DDX25: variants seen among roughly 807,000 people sequenced by gnomAD.
The protein encoded by DDX25 is ATP-dependent RNA helicase DDX25.
Under a neutral mutation model 64.6 loss-of-function variants are expected in DDX25, and 70 were observed. The observed-to-expected ratio is 1.08, with a 90% CI of 0.89 to 1.32. The LOEUF is 1.32. Among genes scored for constraint, DDX25 ranks in the 40% most tolerant of loss-of-function variants. DDX25 has a pLI of 0.00. For missense variants in DDX25, 587 were observed against 604.4 expected, an observed-to-expected ratio of 0.97 and a Z score of 0.30; for synonymous variants, 211 against 213.3, an observed-to-expected ratio of 0.99 and a Z score of 0.09.
At chr11:125,914,390 A>T (rs113436705) in intron 8 of DDX25, among the ~76,000 whole-genome samples, 117 of 152,332 alleles carry the variant, frequency 7.7e-4, no homozygotes, top group African/African-American at 9.1e-4. Context: ...AAGGCAGGGG[A>T]ACAGGCTGAG....
rs1945150178 is a variant in DDX25 at position 125,924,412 on chromosome 11, CATG to C, written c.*1534_*1536del. ...ATGGCAGAGACCTAGAATAAGCCAG[CATG>C]ATAACAGACTGTGCTAAAGCAAGCG... On this transcript the variant is annotated 3_prime_UTR_variant, in exon 12 of 12. Transcript: ENST00000263576. 6.6e-6 allele frequency: 1 copy of C among 152,270 alleles called. No homozygotes were observed. The highest frequency in any genetic ancestry group is 1.5e-5 in the Non-Finnish European group (1 of 68,096). The allele number at this position is 152,270 out of a possible 1,614,324, so 9.4% of individuals were successfully genotyped here. A position where few individuals can be genotyped will look rare whatever the true frequency, so the allele number is the denominator to read the frequency against.
rs1945186545 is a variant in DDX25, at chr11:125,928,503, A to G, written c.*5622A>G. 1 of 152,232 alleles carries G rather than the reference A, an allele frequency of 6.6e-6. No individual in the cohort carries two copies. Among genetic ancestry groups the G allele is most frequent in the Non-Finnish European group, 1.5e-5 (1 of 68,026 alleles). 9.4% of individuals were successfully genotyped at this position (152,232 alleles called of 1,614,324 possible). A position where few individuals can be genotyped will look rare whatever the true frequency, so the allele number is the denominator to read the frequency against. ...AAGTGCGAGTACCAGGTCGAAAACTAGAAGCACTTTAACAGCATTTAACAG... is the reference window on the plus strand; with the variant it reads ...AAGTGCGAGTACCAGGTCGAAAACTGGAAGCACTTTAACAGCATTTAACAG... On this transcript the variant is annotated 3_prime_UTR_variant, in exon 12 of 12. Transcript: ENST00000263576.
chr11:125,916,779 A>C (rs1430498245), intron 8 of DDX25, among the ~76,000 whole-genome samples: 1 of 152,194 alleles, frequency 6.6e-6, no homozygotes, highest in Non-Finnish European at 1.5e-5. Context: ...GAACCTCCAG[A>C]ATATATACCT....
At chr11:125,910,559 C>A in intron 7 of DDX25, 81 bp downstream of exon 7, 1 of 1,187,640 alleles carries the variant, frequency 8.4e-7, no homozygotes, top group Non-Finnish European at 1.2e-6. Context: ...AACTTCTTGG[C>A]ATTCTCATCT....
intron 9 of DDX25, among the ~76,000 whole-genome samples, chr11:125,917,511 A>G (rs1945054269): frequency 6.6e-6 from 1 of 152,198 alleles, no homozygotes; most frequent in Non-Finnish European, 1.5e-5. Flanking sequence ...ACACTTCCCC[A>G]TTTCAGCTTA....
intron 10 of DDX25, 130 bp downstream of exon 10, chr11:125,918,920 C>T (rs1945076664): frequency 1.2e-5 from 13 of 1,113,704 alleles, no homozygotes; most frequent in Admixed American, 5.7e-5. Flanking sequence ...AAATACAGAG[C>T]ATCTCCATCT....
At position 125,910,361 on chromosome 11, in the gene DDX25, CAGT is replaced by C; in HGVS notation, c.508-2_508del. On this transcript the variant is annotated splice_acceptor_variant and coding_sequence_variant, in exon 7 of 12. Coordinates refer to ENST00000263576, the MANE Select transcript of DDX25 (RefSeq NM_013264.5). LOFTEE classifies it high-confidence loss of function. ...CCTCCCCTCTTCTCTCTCTATCCCACAGTGCCTCTGCCTAGCTCCTACTTATGA... is the reference window on the plus strand; with the variant it reads ...CCTCCCCTCTTCTCTCTCTATCCCACGCCTCTGCCTAGCTCCTACTTATGA... 1 of 1,613,418 alleles carries C rather than the reference CAGT, an allele frequency of 6.2e-7. No individual in the cohort carries two copies. Among genetic ancestry groups the C allele is most frequent in the Non-Finnish European group, 8.5e-7 (1 of 1,179,388 alleles).
At chr11:125,920,929 C>T (rs866704833) in intron 10 of DDX25, 119 of 347,074 alleles carry the variant, frequency 3.4e-4, no homozygotes, top group South Asian at 7.4e-4. Flanking sequence ...TACACACACA[C>T]ACACACACAC....
In DDX25 at chr11:125,905,111, G is replaced by A. The variant is rs188458320; in HGVS notation, c.64-101G>A. The A allele has an allele frequency of 3.8e-6, 4 of 1,046,182 alleles. No individual in the cohort carries two copies. The African/African-American group carries it at 6.4e-5, about 17-fold the overall frequency. 64.8% of individuals were successfully genotyped at this position (1,046,182 alleles called of 1,614,324 possible). On this transcript the variant is annotated intron_variant, in intron 1 of 11. Coordinates refer to ENST00000263576, the MANE Select transcript of DDX25 (RefSeq NM_013264.5). ...ATATTGCAAAGGAAGCAATACCCGG[G>A]TGTCCTTCCCTGAATCCCTCCCAGC...
In DDX25 at chr11:125,926,158, C is replaced by T. The variant is rs1945165561; in HGVS notation, c.*3277C>T. The T allele has an allele frequency of 6.6e-6, 1 of 152,328 alleles. No homozygotes were observed. Among genetic ancestry groups the T allele is most frequent in the Non-Finnish European group, 1.5e-5 (1 of 68,182 alleles). 9.4% of individuals were successfully genotyped at this position (152,328 alleles called of 1,614,324 possible). A position where few individuals can be genotyped will look rare whatever the true frequency, so the allele number is the denominator to read the frequency against. On this transcript the variant is annotated 3_prime_UTR_variant, in exon 12 of 12. Coordinates refer to ENST00000263576, the MANE Select transcript of DDX25 (RefSeq NM_013264.5). ...AGACAGTCCAGCTGTTGGGATGGGC[C>T]TGCACTTTGCTCTCTGAACCGGGGG...
In DDX25 at chr11:125,906,651, C is replaced by T. The variant is rs116730829; in HGVS notation, c.311+442C>T. Among the ~76,000 whole-genome samples the T allele has an allele frequency of 6.1e-3, 921 of 151,838 alleles. 11 individuals carry two copies. Among genetic ancestry groups the T allele is most frequent in the African/African-American group, 0.02 (817 of 41,388 alleles). On this transcript the variant is annotated intron_variant, in intron 4 of 11. Coordinates refer to ENST00000263576, the MANE Select transcript of DDX25 (RefSeq NM_013264.5). ...GACCAGCCTGGCCGACATGGGAAAA[C>T]CCCCTCTCCACTAAAAATACAAAAA...
chr11:125,911,286 G>A (rs1223061078), intron 7 of DDX25, 25 bp from the exon 8 acceptor site: 2 of 1,587,968 alleles, frequency 1.3e-6, no homozygotes, highest in Non-Finnish European at 1.7e-6. Context: ...ATCTGAAGGA[G>A]TGCTTAAAAC....
rs1945132881 is a variant in DDX25, at chr11:125,922,932, CAGT to C, written c.*52_*54del. The C allele has an allele frequency of 6.6e-7, 1 of 1,521,980 alleles. No individual in the cohort carries two copies. Among genetic ancestry groups the C allele is most frequent in the African/African-American group, 1.4e-5 (1 of 72,908 alleles). The allele number at this position is 1,521,980 out of a possible 1,614,324, so 94.3% of individuals were successfully genotyped here. On this transcript the variant is annotated 3_prime_UTR_variant, in exon 12 of 12. Transcript: ENST00000263576. The stretch of plus-strand genomic sequence containing the variant: ...TATCCTAGTTTATGTGAGAATGTCT[CAGT>C]GGGTTTTGAAGGTAATTTTTTTATG...
intron 6 of DDX25, among the ~76,000 whole-genome samples, chr11:125,909,740 C>G (rs183093952): frequency 1.9e-3 from 283 of 152,000 alleles, no homozygotes; most frequent in African/African-American, 5.5e-3. Context: ...CCTTTGCCCC[C>G]CCGGGTTCAA....
In DDX25 at chr11:125,910,582, A is replaced by G. The variant is rs1454894131; in HGVS notation, c.622+104A>G. On this transcript the variant is annotated intron_variant, in intron 7 of 11. Transcript: ENST00000263576. ...GGCATTCTCATCTCTAAATGGGGGA[A>G]ATAATACCACTCATGTCATAGAGTT... 1.3e-5 allele frequency: 12 copies of G among 935,518 alleles called. No homozygotes were observed. In the African/African-American group the frequency reaches 1.8e-4, roughly 14 times the overall value. 58.0% of individuals were successfully genotyped at this position (935,518 alleles called of 1,614,324 possible).
chr11:125,913,836 A>T (rs1403439900), intron 8 of DDX25, among the ~76,000 whole-genome samples: 1 of 149,038 alleles, frequency 6.7e-6, no homozygotes, highest in African/African-American at 2.5e-5. Context: ...TAGAGAGCCC[A>T]TCTGGGACAC....
chr11:125,920,977 G>A lies in DDX25; in HGVS notation c.1202-214G>A, dbSNP rs576138055. ...ACGCCTTGTGTATATTTACATTTCT[G>A]TAGCATTCTCTATGGACACGCTCAT... On this transcript the variant is annotated intron_variant, in intron 10 of 11. Transcript: ENST00000263576. The A allele has an allele frequency of 4.4e-5, 24 of 548,338 alleles. No individual in the cohort carries two copies. In the East Asian group the frequency reaches 7.1e-4, roughly 16 times the overall value. The allele number at this position is 548,338 out of a possible 1,614,324, so 34.0% of individuals were successfully genotyped here. A position where few individuals can be genotyped will look rare whatever the true frequency, so the allele number is the denominator to read the frequency against.
intron 7 of DDX25, among the ~76,000 whole-genome samples, chr11:125,910,909 G>T (rs505183): frequency 0.67 from 100,266 of 150,276 alleles, 33,523 homozygotes; most frequent in Admixed American, 0.73. Flanking sequence ...AAGCCTTTGT[G>T]TTTTGCTTTT....
rs181420920 is a variant in DDX25 at position 125,908,146 on chromosome 11, T to G, written c.312-50T>G. 5,578 of 1,452,738 alleles carry G rather than the reference T, an allele frequency of 3.8e-3. 18 individuals are homozygous for G. Among genetic ancestry groups the G allele is most frequent in the Non-Finnish European group, 4.6e-3 (4,918 of 1,068,090 alleles). The allele number at this position is 1,452,738 out of a possible 1,614,324, so 90.0% of individuals were successfully genotyped here. A position where few individuals can be genotyped will look rare whatever the true frequency, so the allele number is the denominator to read the frequency against. ...GCACCTTTCAGGTATGTATTTCTGA[T>G]GCTACTGACCAACTATAATCTGTAA... On this transcript the variant is annotated intron_variant, in intron 4 of 11. Transcript: ENST00000263576.
Sources: allele counts gnomAD v4.1 joint callset (sites outside exome capture counted in the v4.1 genomes callset), GRCh38; gene constraint gnomAD v4.1.1; transcripts MANE v1.5; gene names NCBI Gene and HGNC (gene_info 2026-07-23, HGNC 2026-07-21).